The following CCSER1 variants were observed in gnomAD, a reference collection of about 807,000 sequenced individuals.
CCSER1 encodes coiled-coil serine rich protein 1, also known as serine-rich coiled-coil domain-containing protein 1.
CCSER1 carries 41 observed loss-of-function variants against 82.0 expected under a neutral mutation model. That is an observed-to-expected ratio of 0.50 (90% confidence interval 0.39 to 0.65). CCSER1 has a LOEUF of 0.65. CCSER1 is among the 30% of genes least tolerant of loss of function. CCSER1 has a pLI of 0.00. For missense variants in CCSER1, 1,119 were observed against 1,064.2 expected (o/e 1.05, Z -0.72); for synonymous variants, 414 against 383.9 (o/e 1.08, Z -0.92).
intron 10 of CCSER1, among the ~76,000 whole-genome samples, chr4:91,582,442 G>A (rs1763776588): frequency 6.6e-6 from 1 of 151,486 alleles, no homozygotes; most frequent in African/African-American, 2.4e-5. Context: ...GTCTTTCACA[G>A]CTCTATATTA....
At chr4:90,313,464 C>T (rs780327608) in intron 3 of CCSER1, among the ~76,000 whole-genome samples, 1 of 152,250 alleles carries the variant, frequency 6.6e-6, no homozygotes, top group East Asian at 1.9e-4. Context: ...ACCCTATCCT[C>T]GCTGTCCTCC....
chr4:90,271,864 T>TATAAATATA (rs1560920274), intron 1 of CCSER1, among the ~76,000 whole-genome samples: 1 of 28,610 alleles, frequency 3.5e-5, no homozygotes, highest in Non-Finnish European at 5.2e-5. Context: ...ATATATATAT[T>TATAAATATA]TTTTTTTTTT....
chr4:90,567,024 AC>A (rs1228529089), intron 5 of CCSER1, among the ~76,000 whole-genome samples: 1 of 110,396 alleles, frequency 9.1e-6, no homozygotes, highest in African/African-American at 6.4e-5. Context: ...AAAAAAAAAA[AC>A]AAAAACAAAA....
chr4:91,395,055 C>A (rs1192153533), intron 10 of CCSER1, among the ~76,000 whole-genome samples: 1 of 152,010 alleles, frequency 6.6e-6, no homozygotes, highest in Non-Finnish European at 1.5e-5. Context: ...ATTAAGCCAG[C>A]ATTTTCCCAT....
chr4:91,583,846 C>A lies in CCSER1; in HGVS notation c.2218-14726C>A, dbSNP rs1214324521. ...AAAGGATGGCTGCAACTTTATACAGCTCTTTAGATTTTAGGGATGAACTTG... is the reference window on the plus strand; with the variant it reads ...AAAGGATGGCTGCAACTTTATACAGATCTTTAGATTTTAGGGATGAACTTG... On this transcript the variant is annotated intron_variant, in intron 10 of 10. Transcript: ENST00000509176. 2.0e-5 allele frequency among the ~76,000 whole-genome samples: 3 copies of A among 151,324 alleles called. No homozygotes were observed. In the East Asian group the frequency reaches 5.8e-4, roughly 29 times the overall value.
At chr4:90,332,213 A>G (rs1164508048) in intron 3 of CCSER1, among the ~76,000 whole-genome samples, 1 of 151,786 alleles carries the variant, frequency 6.6e-6, no homozygotes, top group Non-Finnish European at 1.5e-5. Flanking sequence ...ACGTCGCTAC[A>G]GTTTTCATAA....
In CCSER1 at chr4:90,308,841, C is replaced by T; in HGVS notation, c.557C>T (p.Ser186Leu). 9 of 1,613,732 alleles carry T rather than the reference C, an allele frequency of 5.6e-6. No homozygotes were observed. The highest frequency in any genetic ancestry group is 1.1e-5 in the South Asian group (1 of 91,060). ...AGGAAGCTACTCCCTAAATCTTTTT[C>T]ATCTCACTATAAATTTTCTAAGCCA... Reference protein sequence around the residue: ...STRKLLPKSFSSHYKFSKPVL... With the variant: ...STRKLLPKSFLSHYKFSKPVL... Residue 186 changes from serine (S) to leucine (L), a missense_variant, in exon 2 of 11, where the codon TCA becomes TTA. By Grantham distance (145) the Ser-to-Leu change is moderately radical. Transcript: ENST00000509176.
At position 91,605,216 on chromosome 4, in the gene CCSER1, A is replaced by G; in HGVS notation, c.*6159A>G. 6.6e-6 allele frequency: 1 copy of G among 152,218 alleles called. No homozygotes were observed. The allele number at this position is 152,218 out of a possible 1,614,324, so 9.4% of individuals were successfully genotyped here. A position where few individuals can be genotyped will look rare whatever the true frequency, so the allele number is the denominator to read the frequency against. On this transcript the variant is annotated 3_prime_UTR_variant, in exon 11 of 11. Coordinates refer to ENST00000509176, the MANE Select transcript of CCSER1 (RefSeq NM_001145065.2). ...ATTTCTCAATTTGGTTAATATTCTA[A>G]GAAAAGATTGATATATTTAAGCATG...
intron 1 of CCSER1, among the ~76,000 whole-genome samples, chr4:90,273,181 A>T (rs954355657): frequency 6.6e-5 from 10 of 152,062 alleles, no homozygotes; most frequent in African/African-American, 2.4e-4. Context: ...ACTCATGGAG[A>T]TACAGAGTAA....
At chr4:91,456,812 AT>A in intron 10 of CCSER1, among the ~76,000 whole-genome samples, 1 of 152,240 alleles carries the variant, frequency 6.6e-6, no homozygotes, top group East Asian at 1.9e-4. Flanking sequence ...TAATACTGAT[AT>A]TTTTATTGAA....
At chr4:90,244,796 T>A (rs796345512) in intron 1 of CCSER1, among the ~76,000 whole-genome samples, 9 of 152,322 alleles carry the variant, frequency 5.9e-5, no homozygotes, top group African/African-American at 2.2e-4. Context: ...AGAATGAGAT[T>A]TGCGTGGGGA....
chr4:91,034,831 T>A (rs7349664), intron 9 of CCSER1, among the ~76,000 whole-genome samples: 9,100 of 152,128 alleles, frequency 0.06, 346 homozygotes, highest in Non-Finnish European at 0.089. Context: ...TGGTAGGAAA[T>A]CAAAAAGTTT....
chr4:90,311,834 A>G (rs934733521), intron 2 of CCSER1, among the ~76,000 whole-genome samples: 2 of 152,120 alleles, frequency 1.3e-5, no homozygotes, highest in Non-Finnish European at 1.5e-5. Flanking sequence ...CAATTTTTTC[A>G]TTTACTCATT....
At chr4:91,452,936 C>T (rs1164432167) in intron 10 of CCSER1, among the ~76,000 whole-genome samples, 2 of 152,010 alleles carry the variant, frequency 1.3e-5, no homozygotes, top group African/African-American at 4.8e-5. Flanking sequence ...GTAAAGATTT[C>T]ATTGTTCAAA....
intron 1 of CCSER1, among the ~76,000 whole-genome samples, chr4:90,161,360 C>A (rs1232471031): frequency 6.6e-6 from 1 of 152,132 alleles, no homozygotes. Context: ...TTATTATTCT[C>A]ACCTGCCATA....
intron 9 of CCSER1, among the ~76,000 whole-genome samples, chr4:90,943,177 A>T (rs1561400076): frequency 6.6e-6 from 1 of 151,996 alleles, no homozygotes; most frequent in Non-Finnish European, 1.5e-5. Flanking sequence ...TTCTGTGTAC[A>T]TTTTCACTAA....
chr4:90,273,670 T>G (rs1233471016), intron 1 of CCSER1, among the ~76,000 whole-genome samples: 2 of 152,150 alleles, frequency 1.3e-5, no homozygotes, highest in African/African-American at 4.8e-5. Context: ...TATAAAACTT[T>G]GCCTCTTTAT....
In CCSER1 at chr4:90,400,056, A is replaced by G; in HGVS notation, c.1530A>G (p.Gly510=). 6.2e-7 allele frequency: 1 copy of G among 1,604,310 alleles called. No homozygotes were observed. The highest frequency in any genetic ancestry group is 1.1e-5 in the South Asian group (1 of 90,366). ...MNSLDVLNNL[G]SCELDEDDLM... is the part of the protein sequence containing the mutation. ...TTCAGGATGTTTTGAATAATTTGGG[A>G]TCTTGTGAACTGGATGAAGATGATC... The change falls in exon 4 of 11, where the codon GGA becomes GGG. Residue 510 remains glycine, a synonymous_variant. Coordinates refer to ENST00000509176, the MANE Select transcript of CCSER1 (RefSeq NM_001145065.2).
chr4:90,982,922 T>C (rs1736246932), intron 9 of CCSER1, among the ~76,000 whole-genome samples: 1 of 151,802 alleles, frequency 6.6e-6, no homozygotes, highest in African/African-American at 2.4e-5. Flanking sequence ...CCATACTCAC[T>C]TGCACCTTCA....
Sources: allele counts gnomAD v4.1 joint callset (sites outside exome capture counted in the v4.1 genomes callset), GRCh38; gene constraint gnomAD v4.1.1; transcripts MANE v1.5; gene names NCBI Gene and HGNC (gene_info 2026-07-23, HGNC 2026-07-21).